Variants in SCRG1 observed in about 807,000 individuals in gnomAD.
SCRG1 encodes stimulator of chondrogenesis 1.
In SCRG1, 3 loss-of-function variants were observed where a neutral mutation model predicts 7.7. The observed-to-expected ratio is 0.39, with a 90% CI of 0.18 to 1.01. The LOEUF is 1.01. Among genes scored for constraint, SCRG1 ranks in the 50% least tolerant of loss-of-function variants. The probability of loss-of-function intolerance (pLI) is 0.36; values close to 1 mark genes in which losing one functional copy is unlikely to be tolerated. For missense variants in SCRG1, 110 were observed against 117.2 expected (o/e 0.94, Z 0.28); for synonymous variants, 46 against 41.2 (o/e 1.12, Z -0.44).
the SCRG1 span, among the ~76,000 whole-genome samples, chr4:173,485,101 AT>A: frequency 7.4e-5 from 1 of 13,508 alleles, no homozygotes; most frequent in East Asian, 2.8e-3. Flanking sequence ...TATATTATAT[AT>A]TATATATTAT....
the SCRG1 span, among the ~76,000 whole-genome samples, chr4:173,509,922 C>T: frequency 6.6e-6 from 1 of 152,206 alleles, no homozygotes; most frequent in African/African-American, 2.4e-5. This position sits in a 1 kb window ranked among gnomAD's most constrained non-coding sequence, Gnocchi z 5.7. Flanking sequence ...CCTTCCTTCT[C>T]TTTCTGGCCC....
the SCRG1 span, among the ~76,000 whole-genome samples, chr4:173,465,467 G>T: frequency 6.6e-6 from 1 of 151,998 alleles, no homozygotes; most frequent in Admixed American, 6.6e-5. Flanking sequence ...GACCTTCAAG[G>T]TTCCCAACCA....
the SCRG1 span, among the ~76,000 whole-genome samples, chr4:173,453,238 A>G: frequency 6.6e-6 from 1 of 152,238 alleles, no homozygotes; most frequent in African/African-American, 2.4e-5. Flanking sequence ...CTTCGTTTTC[A>G]TATTTTAAGG....
At chr4:173,397,125 C>T (rs1344631587) in intron 1 of SCRG1, among the ~76,000 whole-genome samples, 1 of 152,170 alleles carries the variant, frequency 6.6e-6, no homozygotes, top group Non-Finnish European at 1.5e-5. Flanking sequence ...TTCTCTTCTT[C>T]CTTTACTTAA....
chr4:173,436,027 A>G, the SCRG1 span, among the ~76,000 whole-genome samples: 1 of 152,246 alleles, frequency 6.6e-6, no homozygotes, highest in Non-Finnish European at 1.5e-5. Flanking sequence ...CACTGGCACA[A>G]TGATTTAACT....
At chr4:173,419,963 A>G in the SCRG1 span, 1 of 715,772 alleles carries the variant, frequency 1.4e-6, no homozygotes. Flanking sequence ...GGCATAAGCA[A>G]CCTGACAAAT....
the SCRG1 span, among the ~76,000 whole-genome samples, chr4:173,501,165 G>A: frequency 5.9e-5 from 9 of 152,226 alleles, no homozygotes; most frequent in African/African-American, 2.2e-4. This position sits in a 1 kb window ranked among gnomAD's most constrained non-coding sequence, Gnocchi z 5.1. Flanking sequence ...CGCTGCTTCC[G>A]GGTCTCGGCA....
chr4:173,431,144 T>C, the SCRG1 span, among the ~76,000 whole-genome samples: 2 of 151,942 alleles, frequency 1.3e-5, no homozygotes, highest in Admixed American at 6.6e-5. Flanking sequence ...AGAAAAGAAG[T>C]ATGTTTAAAA....
At chr4:173,518,809 C>T in the SCRG1 span, among the ~76,000 whole-genome samples, 1 of 152,188 alleles carries the variant, frequency 6.6e-6, no homozygotes, top group Non-Finnish European at 1.5e-5. Flanking sequence ...GGAGCTGGGC[C>T]AAGGTATTCT....
chr4:173,444,824 ATCTCC>A, the SCRG1 span, among the ~76,000 whole-genome samples: 2 of 152,116 alleles, frequency 1.3e-5, no homozygotes, highest in Non-Finnish European at 2.9e-5. Flanking sequence ...GGCTGAGAGA[ATCTCC>A]GAGAAGAGAG....
the SCRG1 span, among the ~76,000 whole-genome samples, chr4:173,486,200 C>G: frequency 2.0e-5 from 3 of 152,142 alleles, no homozygotes; most frequent in African/African-American, 7.2e-5. Context: ...CTTTCATTCT[C>G]CATATTTTTT....
chr4:173,508,103 AAGCCCTGTC>A, the SCRG1 span, among the ~76,000 whole-genome samples: 2 of 152,094 alleles, frequency 1.3e-5, no homozygotes, highest in Non-Finnish European at 2.9e-5. This position sits in a 1 kb window ranked among gnomAD's most constrained non-coding sequence, Gnocchi z 4.4. Context: ...AGCCCGAGAA[AAGCCCTGTC>A]GGCTCCCTCT....
chr4:173,507,719 C>T, the SCRG1 span, among the ~76,000 whole-genome samples: 3 of 152,198 alleles, frequency 2.0e-5, no homozygotes, highest in African/African-American at 4.8e-5. The surrounding 1 kb of genome is among the most constrained non-coding windows in gnomAD (Gnocchi z 4.4). Flanking sequence ...AAGCCAACAA[C>T]CCCGCAGGAT....
the SCRG1 span, among the ~76,000 whole-genome samples, chr4:173,483,806 G>C: frequency 6.9e-4 from 6 of 8,674 alleles, 2 homozygotes; most frequent in African/African-American, 1.6e-3. Flanking sequence ...TATGATATAT[G>C]ATATGTAATA....
At chr4:173,396,741 T>TGTGTGTGTGTGAGTGA (rs35823365) in intron 1 of SCRG1, among the ~76,000 whole-genome samples, 1 of 145,530 alleles carries the variant, frequency 6.9e-6, no homozygotes, top group African/African-American at 2.6e-5. Flanking sequence ...TGTGTGTGTG[T>TGTGTGTGTGTGAGTGA]GTGTGTGTAT....
At chr4:173,449,613 T>C in the SCRG1 span, among the ~76,000 whole-genome samples, 8 of 152,300 alleles carry the variant, frequency 5.3e-5, no homozygotes, top group East Asian at 7.7e-4. Flanking sequence ...TGAACTATTA[T>C]GAAGATTACA....
chr4:173,496,518 T>C, the SCRG1 span, among the ~76,000 whole-genome samples: 1 of 152,196 alleles, frequency 6.6e-6, no homozygotes, highest in African/African-American at 2.4e-5. Context: ...AATACATCTA[T>C]GTGGAAATGT....
the SCRG1 span, among the ~76,000 whole-genome samples, chr4:173,511,858 TC>T: frequency 1.6e-3 from 251 of 152,326 alleles, no homozygotes; most frequent in Admixed American, 2.7e-3. This position sits in a 1 kb window ranked among gnomAD's most constrained non-coding sequence, Gnocchi z 5.2. Flanking sequence ...AAGGGTGCCC[TC>T]CCTCTGGTTG....
Position 173,386,412 on chromosome 4 carries a change from T to C in SCRG1, c.*1929A>G, listed in dbSNP as rs1241690130. 1.3e-5 allele frequency: 2 copies of C among 152,172 alleles called. No homozygotes were observed. The highest frequency in any genetic ancestry group is 6.6e-5 in the Admixed American group (1 of 15,232). The allele number at this position is 152,172 out of a possible 1,614,324, so 9.4% of individuals were successfully genotyped here. ...ATAAGCCCGCCTCCGCCTCCCAAAG[T>C]GCTGGGATTACAGGCGTGAGCCACC... On this transcript the variant is annotated 3_prime_UTR_variant, in exon 3 of 3. Transcript: ENST00000296506.
Sources: allele counts gnomAD v4.1 joint callset (sites outside exome capture counted in the v4.1 genomes callset), GRCh38; gene constraint gnomAD v4.1.1; non-coding constraint Gnocchi (gnomAD v3.1); transcripts MANE v1.5; gene names NCBI Gene and HGNC (gene_info 2026-07-23, HGNC 2026-07-21).